ROBO2: variants seen among roughly 807,000 people sequenced by gnomAD.
The protein encoded by ROBO2 is roundabout homolog 2.
ROBO2 carries 53 observed loss-of-function variants against 160.8 expected under a neutral mutation model. The ratio of observed to expected loss-of-function variants is 0.33; its 90% CI spans 0.26 to 0.41. The LOEUF is 0.41. Among genes scored for constraint, ROBO2 ranks in the 10% least tolerant of loss-of-function variants. The pLI is 1.00. For missense variants in ROBO2, 1,577 were observed against 1,722.4 expected (o/e 0.92, Z 1.49); for synonymous variants, 664 against 611.7 (o/e 1.09, Z -1.26).
rs539478674 is a variant in ROBO2, at chr3:76,398,085, A to C, written c.109+460483A>C. 3.9e-3 allele frequency among the ~76,000 whole-genome samples: 594 copies of C among 152,220 alleles called. 2 individuals are homozygous for C. Among genetic ancestry groups the C allele is most frequent in the Middle Eastern group, 6.8e-3 (2 of 294 alleles). On this transcript the variant is annotated intron_variant, in intron 2 of 26. Coordinates refer to the ROBO2 transcript ENST00000487694. ...GACTTGGAACCAACCCAAATGTCCA[A>C]CAATGATAGACTGGATTAAGAAAAT...
chr3:76,449,607 C>T (rs1170695806), intron 2 of ROBO2, among the ~76,000 whole-genome samples: 1 of 152,108 alleles, frequency 6.6e-6, no homozygotes, highest in Non-Finnish European at 1.5e-5. Flanking sequence ...GCTACAGTTC[C>T]TGCAGTTAGA....
At chr3:77,622,511 G>A in intron 23 of ROBO2, 79 bp downstream of exon 24, 1 of 1,168,952 alleles carries the variant, frequency 8.6e-7, no homozygotes, top group Non-Finnish European at 1.3e-6. Flanking sequence ...CTTCCTTATT[G>A]TAAGATTTAT....
At chr3:76,982,498 A>G (rs11127574) in intron 2 of ROBO2, among the ~76,000 whole-genome samples, 119,513 of 152,128 alleles carry the variant, frequency 0.79, 47,042 homozygotes, top group African/African-American at 0.79. Context: ...TTTGAAATTG[A>G]GAAATGTGAG....
intron 2 of ROBO2, among the ~76,000 whole-genome samples, chr3:76,141,217 T>A: frequency 8.8e-6 from 1 of 114,072 alleles, no homozygotes; most frequent in Non-Finnish European, 1.8e-5. Context: ...ATATCAGACA[T>A]TAAAAATGAC....
chr3:76,844,426 TG>T (rs1191100665), intron 2 of ROBO2, among the ~76,000 whole-genome samples: 2 of 151,970 alleles, frequency 1.3e-5, no homozygotes, highest in African/African-American at 2.4e-5. Flanking sequence ...TCAGGAGAAA[TG>T]GTTTCTCACT....
At position 77,327,507 on chromosome 3, in the gene ROBO2, G is replaced by A. The variant is rs1004691939; in HGVS notation, c.389-149907G>A. Among the ~76,000 whole-genome samples, 3 of 152,088 alleles carry A rather than the reference G, an allele frequency of 2.0e-5. No homozygotes were observed. In the East Asian group the frequency reaches 5.8e-4, roughly 29 times the overall value. ...TTTTACAATTTAAGACCATGCCCTT[G>A]AAAACCGGACCCATTATTGGAGAAG... On this transcript the variant is annotated intron_variant, in intron 2 of 25. Coordinates refer to ENST00000461745, the Ensembl canonical transcript of ROBO2.
chr3:76,910,307 A>G (rs987765578), intron 2 of ROBO2, among the ~76,000 whole-genome samples: 2 of 152,212 alleles, frequency 1.3e-5, no homozygotes, highest in African/African-American at 4.8e-5. Context: ...CTTGTAGATG[A>G]GTCTGTTGAT....
chr3:77,214,995 C>T (rs569494515), intron 2 of ROBO2, among the ~76,000 whole-genome samples: 11 of 152,280 alleles, frequency 7.2e-5, no homozygotes, highest in African/African-American at 2.6e-4. Flanking sequence ...CGACCTTTCT[C>T]TCTGGCTGCC....
intron 2 of ROBO2, among the ~76,000 whole-genome samples, chr3:76,508,049 C>A (rs1432076803): frequency 6.6e-6 from 1 of 152,062 alleles, no homozygotes; most frequent in Non-Finnish European, 1.5e-5. Flanking sequence ...AAATAAAATA[C>A]ATGTTTTTAT....
chr3:77,538,900 G>A (rs77189195), intron 6 of ROBO2: 4 of 483,722 alleles, frequency 8.3e-6, no homozygotes, highest in Non-Finnish European at 1.7e-5. Context: ...ACTAATTTTT[G>A]CAGAAACTTT....
At chr3:77,414,802 A>G (rs996460244) in intron 2 of ROBO2, among the ~76,000 whole-genome samples, 3 of 152,232 alleles carry the variant, frequency 2.0e-5, no homozygotes, top group African/African-American at 7.2e-5. Context: ...GTAAAGAAAC[A>G]ATGAATTATG....
At chr3:77,099,980 A>C (rs978116550) in intron 2 of ROBO2, among the ~76,000 whole-genome samples, 2 of 152,252 alleles carry the variant, frequency 1.3e-5, no homozygotes, top group Admixed American at 6.5e-5. Flanking sequence ...CATTTTTAAA[A>C]TTCTATCTAC....
chr3:76,993,406 A>G (rs1054971144), intron 2 of ROBO2, among the ~76,000 whole-genome samples: 1 of 152,224 alleles, frequency 6.6e-6, no homozygotes, highest in African/African-American at 2.4e-5. Flanking sequence ...AAATTATTCA[A>G]AATAAATCTT....
intron 2 of ROBO2, among the ~76,000 whole-genome samples, chr3:77,141,333 G>A (rs2076686503): frequency 1.3e-5 from 2 of 150,300 alleles, no homozygotes; most frequent in African/African-American, 2.5e-5. Flanking sequence ...TTTATAAACA[G>A]CCATTATCCT....
intron 21 of ROBO2, among the ~76,000 whole-genome samples, chr3:77,616,058 G>A (rs2094769129): frequency 6.6e-6 from 1 of 152,052 alleles, no homozygotes; most frequent in Admixed American, 6.6e-5. Context: ...CAAAATAGTG[G>A]GAGAAAAGAA....
intron 2 of ROBO2, among the ~76,000 whole-genome samples, chr3:76,542,192 A>AT (rs1216924863): frequency 4.0e-5 from 6 of 151,808 alleles, no homozygotes; most frequent in African/African-American, 1.5e-4. Context: ...TGCCTTCTAT[A>AT]TTTTTTTTAA....
intron 2 of ROBO2, among the ~76,000 whole-genome samples, chr3:76,213,596 C>G (rs990588911): frequency 6.6e-6 from 1 of 151,994 alleles, no homozygotes; most frequent in Non-Finnish European, 1.5e-5. Flanking sequence ...AAATAAAGTA[C>G]TAAGAGATTT....
At chr3:76,004,363 G>T (rs988136520) in intron 2 of ROBO2, among the ~76,000 whole-genome samples, 1 of 152,224 alleles carries the variant, frequency 6.6e-6, no homozygotes, top group African/African-American at 2.4e-5. Context: ...GGGGTAGACA[G>T]GGGCTAGGTG....
intron 2 of ROBO2, among the ~76,000 whole-genome samples, chr3:76,795,058 G>A (rs1373398281): frequency 2.0e-5 from 3 of 152,022 alleles, no homozygotes; most frequent in African/African-American, 7.2e-5. Context: ...TATATATACT[G>A]TAGACAATTA....
Sources: allele counts gnomAD v4.1 joint callset (sites outside exome capture counted in the v4.1 genomes callset), GRCh38; gene constraint gnomAD v4.1.1; transcripts MANE v1.5; gene names NCBI Gene and HGNC (gene_info 2026-07-23, HGNC 2026-07-21).